PTPRS: variants seen among roughly 807,000 people sequenced by gnomAD.
PTPRS encodes receptor-type tyrosine-protein phosphatase S.
In PTPRS, 63 loss-of-function variants were observed where a neutral mutation model predicts 215.3. The ratio of observed to expected loss-of-function variants is 0.29; its 90% CI spans 0.24 to 0.36. PTPRS has a LOEUF of 0.36. PTPRS is among the 10% of genes least tolerant of loss of function. The pLI, the probability that PTPRS is intolerant of heterozygous loss-of-function variation, is 1.00. For missense variants in PTPRS, 2,258 were observed against 2,825.8 expected, an observed-to-expected ratio of 0.80 and a Z score of 4.56; for synonymous variants, 1,404 against 1,191.4, an observed-to-expected ratio of 1.18 and a Z score of -3.68.
intron 1 of PTPRS, among the ~76,000 whole-genome samples, chr19:5,317,618 C>T (rs572380859): frequency 2.5e-4 from 38 of 152,334 alleles, no homozygotes; most frequent in Non-Finnish European, 4.0e-4. Flanking sequence ...GTCCAGGTGG[C>T]TACTGACAGC....
At chr19:5,207,498 C>T (rs771768020) in intron 37 of PTPRS, among the ~76,000 whole-genome samples, 7 of 152,328 alleles carry the variant, frequency 4.6e-5, no homozygotes, top group South Asian at 2.1e-4. Context: ...TGAGCTGCCA[C>T]GCCGGGTCCC....
At chr19:5,262,049 G>C (rs2046038494) in intron 6 of PTPRS, among the ~76,000 whole-genome samples, 1 of 152,140 alleles carries the variant, frequency 6.6e-6, no homozygotes, top group South Asian at 2.1e-4. Context: ...GAGGCAGGTG[G>C]ATCACCTGAG....
At position 5,219,433 on chromosome 19, in the gene PTPRS, T is replaced by C. The variant is rs2041778182; in HGVS notation, c.3800A>G (p.Gln1267Arg). Residue 1267 changes from glutamine to arginine, a missense_variant, in exon 23 of 38, where the codon CAG (glutamine) becomes CGG (arginine). Around this residue, in one of 6 missense-constraint regions of PTPRS, gnomAD observed 927 missense variants for 1,125.9 expected, o/e 0.82. Coordinates refer to ENST00000262963, the MANE Select transcript of PTPRS (RefSeq NM_002850.4). ...FAASPFSDPF[Q>R]LDNPDPQPIV... ...GGGCTGGGGGTCCGGGTTATCCAGC[T>C]GGAAGGGGTCTGAGAAGGGACTGGC... 6.2e-7 allele frequency: 1 copy of C among 1,609,094 alleles called. No individual in the cohort carries two copies. The highest frequency in any genetic ancestry group is 8.5e-7 in the Non-Finnish European group (1 of 1,177,668).
At chr19:5,326,088 G>A (rs748895442) in intron 1 of PTPRS, among the ~76,000 whole-genome samples, 34 of 152,126 alleles carry the variant, frequency 2.2e-4, no homozygotes, top group Admixed American at 5.2e-4. Context: ...AAAATTAGCC[G>A]TATGTGGTGA....
At chr19:5,325,740 A>G (rs1019761112) in intron 1 of PTPRS, among the ~76,000 whole-genome samples, 4 of 152,178 alleles carry the variant, frequency 2.6e-5, no homozygotes, top group Admixed American at 6.5e-5. Flanking sequence ...CGGCCAATTC[A>G]TCTCCTTCTC....
At chr19:5,236,600 T>C (rs116241153) in intron 13 of PTPRS, among the ~76,000 whole-genome samples, 1,913 of 152,346 alleles carry the variant, frequency 0.013, 30 homozygotes, top group African/African-American at 0.043. Flanking sequence ...GTACTTACTA[T>C]GGACACTATC....
chr19:5,251,111 G>GC (rs1238932837), intron 9 of PTPRS: 3 of 153,036 alleles, frequency 2.0e-5, no homozygotes, highest in African/African-American at 7.3e-5. Flanking sequence ...ACACCTGTCG[G>GC]GGGGGAAGGG....
At chr19:5,266,067 C>A (rs919578886) in intron 4 of PTPRS, among the ~76,000 whole-genome samples, 13 of 152,080 alleles carry the variant, frequency 8.5e-5, no homozygotes, top group Admixed American at 3.9e-4. Flanking sequence ...TAAGACCCAG[C>A]CTGGCCCACA....
rs1303396332 is a variant in PTPRS, at chr19:5,211,891, C to T, written c.5055+74G>A. 2.9e-5 allele frequency: 45 copies of T among 1,552,694 alleles called. No individual in the cohort carries two copies. The Admixed American group carries it at 3.1e-4, about 11-fold the overall frequency. ...CCACCACCTTCTAGTCCCCATTGCT[C>T]GAGGCGGGCCTGATTTTCGGCTCTT... On this transcript the variant is annotated intron_variant, in intron 32 of 37. Transcript: ENST00000262963.
At chr19:5,208,211 A>G (rs1410483836) in intron 36 of PTPRS, 26 bp downstream of exon 36, 11 of 1,566,674 alleles carry the variant, frequency 7.0e-6, no homozygotes, top group Non-Finnish European at 9.5e-6. Context: ...GCAGGGCCAA[A>G]AGCTGGGACA....
At chr19:5,238,842 G>C in intron 13 of PTPRS, 77 bp downstream of exon 13, 1 of 1,466,306 alleles carries the variant, frequency 6.8e-7, no homozygotes, top group East Asian at 2.6e-5. Context: ...CCCCGCCTGG[G>C]TCCGTCTGCC....
At chr19:5,318,034 G>C (rs959571992) in intron 1 of PTPRS, among the ~76,000 whole-genome samples, 2 of 152,196 alleles carry the variant, frequency 1.3e-5, no homozygotes, top group African/African-American at 4.8e-5. Flanking sequence ...AGCTGGGCAT[G>C]GTGGCAGGTG....
chr19:5,292,319 C>T (rs373562597), intron 1 of PTPRS, among the ~76,000 whole-genome samples: 2 of 152,152 alleles, frequency 1.3e-5, no homozygotes, highest in Admixed American at 6.5e-5. Context: ...GAGACCGAGA[C>T]GGGGACAGCC....
At position 5,221,334 on chromosome 19, in the gene PTPRS, C is replaced by A; in HGVS notation, c.3202-81G>T. 3.3e-6 allele frequency: 5 copies of A among 1,525,842 alleles called. No homozygotes were observed. The African/African-American group carries it at 4.1e-5, about 13-fold the overall frequency. 94.5% of individuals were successfully genotyped at this position (1,525,842 alleles called of 1,614,324 possible). A position where few individuals can be genotyped will look rare whatever the true frequency, so the allele number is the denominator to read the frequency against. ...CCCCAGCTCCAGGATGAGTCCCCCA[C>A]CCTGACTGAGCCCTGATCCCACTGA... On this transcript the variant is annotated intron_variant, in intron 19 of 37. Coordinates refer to ENST00000262963, the MANE Select transcript of PTPRS (RefSeq NM_002850.4).
chr19:5,251,546 C>A (rs939006346), intron 9 of PTPRS, among the ~76,000 whole-genome samples: 1 of 151,762 alleles, frequency 6.6e-6, no homozygotes, highest in African/African-American at 2.4e-5. Flanking sequence ...CTGTGGCCGC[C>A]GGAGACACGG....
intron 9 of PTPRS, among the ~76,000 whole-genome samples, chr19:5,248,989 C>T (rs1309696487): frequency 1.3e-5 from 2 of 152,186 alleles, no homozygotes; most frequent in Non-Finnish European, 2.9e-5. Flanking sequence ...AGCTTCTCTA[C>T]CTTAAGGGAG....
At chr19:5,315,794 T>A (rs1052674507) in intron 1 of PTPRS, among the ~76,000 whole-genome samples, 1 of 140,762 alleles carries the variant, frequency 7.1e-6, no homozygotes, top group Non-Finnish European at 1.5e-5. Context: ...ACCTAGCTAA[T>A]TTTTTTTTTA....
In PTPRS at chr19:5,212,470, C is replaced by T. The variant is rs776015928; in HGVS notation, c.4636G>A (p.Glu1546Lys). 5.6e-6 allele frequency: 9 copies of T among 1,595,460 alleles called. No individual in the cohort carries two copies. The highest frequency in any genetic ancestry group is 4.6e-5 in the East Asian group (2 of 43,854). The change falls in exon 31 of 38, where the codon GAG becomes AAG. Residue 1546 changes from glutamate (E) to lysine (K), a missense_variant. Around this residue, in one of 6 missense-constraint regions of PTPRS, gnomAD observed 927 missense variants for 1,125.9 expected, o/e 0.82. Coordinates refer to ENST00000262963, the MANE Select transcript of PTPRS (RefSeq NM_002850.4). ...GCCGTAAACTGGAACTGGCGGACCTCGCGTTTCTCACTGGAGCCATTCTGG... is the reference window on the plus strand; with the variant it reads ...GCCGTAAACTGGAACTGGCGGACCTTGCGTTTCTCACTGGAGCCATTCTGG... ...LHKNGSSEKR[E>K]VRQFQFTAWP...
chr19:5,264,224 C>A (rs1219373124), intron 5 of PTPRS, among the ~76,000 whole-genome samples: 6 of 152,204 alleles, frequency 3.9e-5, no homozygotes, highest in Admixed American at 2.6e-4. Context: ...GGCTCCCCAT[C>A]ACCTTACTTG....
Sources: allele counts gnomAD v4.1 joint callset (sites outside exome capture counted in the v4.1 genomes callset), GRCh38; gene constraint gnomAD v4.1.1; regional missense constraint gnomAD v4.1.1; transcripts MANE v1.5; gene names NCBI Gene and HGNC (gene_info 2026-07-23, HGNC 2026-07-21).